Variants in KIAA1217 observed in about 807,000 individuals in gnomAD.
KIAA1217 encodes the protein sickle tail protein homolog.
In KIAA1217, 88 loss-of-function variants were observed where a neutral mutation model predicts 163.9. The observed-to-expected ratio is 0.54, with a 90% confidence interval of 0.45 to 0.64. The LOEUF (loss-of-function observed/expected upper bound fraction) is 0.64, where lower values mean the gene tolerates loss of function less well. Ranked by LOEUF, KIAA1217 falls within the 30% of genes least tolerant of loss-of-function variation. KIAA1217 has a pLI of 0.00. For synonymous variants in KIAA1217, 903 were observed against 923.1 expected (o/e 0.98, Z 0.39); for missense variants, 2,372 against 2,475.0 (o/e 0.96, Z 0.88).
At chr10:24,116,147 G>T (rs1342582461) in intron 2 of KIAA1217, among the ~76,000 whole-genome samples, 3 of 151,992 alleles carry the variant, frequency 2.0e-5, no homozygotes, top group Non-Finnish European at 4.4e-5. Flanking sequence ...GATCTTGGGG[G>T]TTCTACCCCC....
intron 1 of KIAA1217, among the ~76,000 whole-genome samples, chr10:23,963,721 T>C (rs58589653): frequency 0.016 from 2,467 of 152,206 alleles, 75 homozygotes; most frequent in African/African-American, 0.055. Context: ...AACTAATTTA[T>C]ACTCCCACCA....
chr10:24,378,607 C>A (rs1001356349), intron 2 of KIAA1217, among the ~76,000 whole-genome samples: 1 of 150,908 alleles, frequency 6.6e-6, no homozygotes. Flanking sequence ...CCCATGGTGC[C>A]TAGCACTGTT....
At position 24,546,284 on chromosome 10, in the gene KIAA1217, C is replaced by G. The variant is rs535847276; in HGVS notation, c.5792C>G (p.Ser1931Ter). The G allele has an allele frequency of 4.3e-6, 7 of 1,612,248 alleles. No individual in the cohort carries two copies. Among genetic ancestry groups the G allele is most frequent in the East Asian group, 2.2e-5 (1 of 44,854 alleles). Residue 1931 changes from serine (S) to a stop codon, truncating the protein, a stop_gained, in exon 21 of 21, where the codon TCA becomes TGA. Transcript: ENST00000376454. LOFTEE classifies it high-confidence loss of function. ...LTSYKAQNGS[S>*]SKATPSTAKE... ...AGCTACAAGGCACAGAATGGAAGTT[C>G]AAGCAAAGCCACCCCATCCACAGCA...
At chr10:24,440,405 T>C (rs774041526) in intron 5 of KIAA1217, among the ~76,000 whole-genome samples, 7 of 152,216 alleles carry the variant, frequency 4.6e-5, no homozygotes, top group Non-Finnish European at 7.3e-5. Flanking sequence ...TGGAGTTCCA[T>C]GGTGCTGAGA....
At chr10:23,824,658 A>AAAAAAATAT (rs1837805755) in intron 1 of KIAA1217, among the ~76,000 whole-genome samples, 2 of 53,040 alleles carry the variant, frequency 3.8e-5, no homozygotes, top group Non-Finnish European at 7.1e-5. Context: ...AAATAAAAAA[A>AAAAAAATAT]ATATATATAT....
At chr10:23,714,471 C>T (rs1186344008) in intron 1 of KIAA1217, among the ~76,000 whole-genome samples, 1 of 152,088 alleles carries the variant, frequency 6.6e-6, no homozygotes, top group African/African-American at 2.4e-5. Flanking sequence ...GACACTAAGA[C>T]TTTGGTAGAG....
chr10:24,316,300 A>G (rs868415804), intron 2 of KIAA1217, among the ~76,000 whole-genome samples: 3 of 152,116 alleles, frequency 2.0e-5, no homozygotes, highest in African/African-American at 7.2e-5. Flanking sequence ...GGGCAGAGGG[A>G]TGGTGTTATC....
At chr10:23,778,845 C>T (rs985252292) in intron 1 of KIAA1217, among the ~76,000 whole-genome samples, 3 of 152,154 alleles carry the variant, frequency 2.0e-5, no homozygotes, top group Non-Finnish European at 2.9e-5. Context: ...GTCAATGTAA[C>T]ATTTTTATAT....
chr10:23,907,235 A>AT (rs757776670), intron 1 of KIAA1217, among the ~76,000 whole-genome samples: 32 of 150,926 alleles, frequency 2.1e-4, no homozygotes, highest in East Asian at 1.6e-3. Flanking sequence ...TTTCTTCAAC[A>AT]TTTTTTTTGA....
chr10:23,896,380 T>A (rs1240563873), intron 1 of KIAA1217, among the ~76,000 whole-genome samples: 1 of 152,058 alleles, frequency 6.6e-6, no homozygotes, highest in Non-Finnish European at 1.5e-5. Flanking sequence ...TCGAGAGTTC[T>A]TGCTTTATTT....
At chr10:24,089,766 C>T (rs2061853136) in intron 2 of KIAA1217, among the ~76,000 whole-genome samples, 1 of 151,730 alleles carries the variant, frequency 6.6e-6, no homozygotes, top group South Asian at 2.1e-4. Context: ...AGGAGAACTA[C>T]AAACCACTGC....
At chr10:24,205,963 G>A (rs767822762), upstream of KIAA1217, among the ~76,000 whole-genome samples, 2 of 152,110 alleles carry the variant, frequency 1.3e-5, no homozygotes, top group Non-Finnish European at 2.9e-5. Context: ...TTCTGTAACG[G>A]GTTAGCTATG....
At chr10:24,193,189 T>C (rs1393582738) in intron 2 of KIAA1217, among the ~76,000 whole-genome samples, 1 of 151,566 alleles carries the variant, frequency 6.6e-6, no homozygotes, top group African/African-American at 2.4e-5. Flanking sequence ...CCTCCTGAAG[T>C]GCTGGGATAA....
chr10:24,425,227 T>C (rs747316811), intron 3 of KIAA1217, among the ~76,000 whole-genome samples: 1 of 152,256 alleles, frequency 6.6e-6, no homozygotes, highest in African/African-American at 2.4e-5. Flanking sequence ...TTTAGAAAGA[T>C]GATACAGAAA....
At chr10:24,033,195 A>G (rs2366599) in intron 2 of KIAA1217, among the ~76,000 whole-genome samples, 35,319 of 152,166 alleles carry the variant, frequency 0.23, 4,968 homozygotes, top group East Asian at 0.4. Flanking sequence ...ACTGAAATAA[A>G]AAAATGCTTT....
intron 2 of KIAA1217, among the ~76,000 whole-genome samples, chr10:24,112,801 C>T (rs767324627): frequency 9.0e-4 from 137 of 151,812 alleles, no homozygotes; most frequent in Middle Eastern, 3.4e-3. Context: ...TTAGCCAGGA[C>T]GGTCTCGATC....
chr10:24,336,393 T>G (rs190496781), intron 2 of KIAA1217, among the ~76,000 whole-genome samples: 1 of 152,374 alleles, frequency 6.6e-6, no homozygotes, highest in Non-Finnish European at 1.5e-5. Flanking sequence ...TTGCTAAGTG[T>G]GCTTAACAAT....
intron 1 of KIAA1217, among the ~76,000 whole-genome samples, chr10:23,698,066 C>T (rs1314149677): frequency 1.3e-5 from 2 of 152,070 alleles, no homozygotes; most frequent in Non-Finnish European, 2.9e-5. Flanking sequence ...ATTTTATTTT[C>T]TCTACTTACA....
At chr10:24,380,651 A>C (rs959058628) in intron 2 of KIAA1217, among the ~76,000 whole-genome samples, 5 of 127,158 alleles carry the variant, frequency 3.9e-5, no homozygotes, top group East Asian at 2.3e-4. Context: ...TAAATAAATA[A>C]ATACAATGGA....
Sources: gnomAD v4.1 joint callset for allele counts (sites outside exome capture counted in the v4.1 genomes callset) on GRCh38, gnomAD v4.1.1 for gene constraint, MANE v1.5 for transcripts, NCBI Gene and HGNC (gene_info 2026-07-23, HGNC 2026-07-21) for gene names.